The following ZFHX3 variants were observed in gnomAD, a reference collection of about 807,000 sequenced individuals.
The protein encoded by ZFHX3 is zinc finger homeobox protein 3.
In ZFHX3, 42 loss-of-function variants were observed where a neutral mutation model predicts 279.1. The observed-to-expected ratio is 0.15, with a 90% CI of 0.12 to 0.19. The LOEUF is 0.19. ZFHX3 is among the 10% of genes least tolerant of loss of function. The pLI, the probability that ZFHX3 is intolerant of heterozygous loss-of-function variation, is 1.00. For missense variants in ZFHX3, 4,981 were observed against 4,754.0 expected, an observed-to-expected ratio of 1.05 and a Z score of -1.40; for synonymous variants, 2,293 against 1,957.8, an observed-to-expected ratio of 1.17 and a Z score of -4.52.
chr16:73,376,582 C>T (rs547532660), intron 3 of ZFHX3, among the ~76,000 whole-genome samples: 13 of 152,274 alleles, frequency 8.5e-5, no homozygotes, highest in African/African-American at 2.6e-4. Flanking sequence ...GCAGCCATGT[C>T]GTGCTTTTTG....
chr16:73,423,787 G>C (rs1339731902), intron 3 of ZFHX3, among the ~76,000 whole-genome samples: 1 of 151,592 alleles, frequency 6.6e-6, no homozygotes, highest in East Asian at 1.9e-4. Flanking sequence ...GCTTGAACCT[G>C]GGAGGTGGAG....
intron 1 of ZFHX3, among the ~76,000 whole-genome samples, chr16:72,986,506 G>A (rs2144556483): frequency 6.6e-6 from 1 of 152,304 alleles, no homozygotes; most frequent in African/African-American, 2.4e-5. Flanking sequence ...GACTTGGGCT[G>A]CTGAACTGGG....
intron 1 of ZFHX3, among the ~76,000 whole-genome samples, chr16:73,882,906 G>C (rs1469340184): frequency 6.6e-6 from 1 of 152,058 alleles, no homozygotes; most frequent in Admixed American, 6.6e-5. Flanking sequence ...GAAGCTTGTG[G>C]GTCATTTGTT....
intron 1 of ZFHX3, among the ~76,000 whole-genome samples, chr16:73,808,096 C>A (rs1337983567): frequency 1.3e-5 from 2 of 152,122 alleles, no homozygotes; most frequent in African/African-American, 4.8e-5. Flanking sequence ...AAGGGTGGGG[C>A]ATGGGCAGGA....
At chr16:73,497,341 C>T (rs1236875768) in intron 2 of ZFHX3, among the ~76,000 whole-genome samples, 1 of 152,222 alleles carries the variant, frequency 6.6e-6, no homozygotes, top group African/African-American at 2.4e-5. Flanking sequence ...TTTTCTCTTC[C>T]TCTTGGAGAA....
intron 1 of ZFHX3, among the ~76,000 whole-genome samples, chr16:73,754,775 T>A (rs960500274): frequency 1.3e-5 from 2 of 152,042 alleles, no homozygotes; most frequent in Non-Finnish European, 2.9e-5. Context: ...AAAGGAGAGA[T>A]TAATGACAGA....
chr16:73,058,166 C>T (rs1965605045), intron 1 of ZFHX3, among the ~76,000 whole-genome samples: 1 of 145,044 alleles, frequency 6.9e-6, no homozygotes, highest in Non-Finnish European at 1.5e-5. Context: ...GCCCCGGGCG[C>T]CTCCACCCTC....
chr16:72,793,283 G>C lies in ZFHX3; in HGVS notation c.9399C>G (p.Ser3133=). 6.2e-7 allele frequency: 1 copy of C among 1,613,844 alleles called. No homozygotes were observed. Among genetic ancestry groups the C allele is most frequent in the Non-Finnish European group, 8.5e-7 (1 of 1,179,820 alleles). Residue 3133 remains serine, a synonymous_variant, in exon 9 of 10, where the codon TCC becomes TCG. Coordinates refer to ENST00000268489, the MANE Select transcript of ZFHX3 (RefSeq NM_006885.4). The surrounding 1 kb of genome is among the most constrained non-coding windows in gnomAD (Gnocchi z 4.3). ...TGTTGGATGGAGTAAAGCCTGGCAA[G>C]GAGGGGCTGTTGAGGCCCGGGAGCA... ...PVLLPGLNSP[S]LPGFTPSNTA... is the part of the protein sequence containing the mutation.
chr16:73,576,500 T>C (rs928608038), intron 2 of ZFHX3, among the ~76,000 whole-genome samples: 42 of 152,262 alleles, frequency 2.8e-4, no homozygotes, highest in African/African-American at 9.1e-4. Context: ...TGTGGACAGA[T>C]AATTATTACA....
chr16:73,560,364 C>T (rs1267839705), intron 2 of ZFHX3, among the ~76,000 whole-genome samples: 1 of 152,162 alleles, frequency 6.6e-6, no homozygotes, highest in African/African-American at 2.4e-5. Context: ...GACTGGCTAC[C>T]GGCTCCCTTC....
At chr16:73,306,358 C>T (rs998837445) in intron 4 of ZFHX3, among the ~76,000 whole-genome samples, 3 of 152,178 alleles carry the variant, frequency 2.0e-5, no homozygotes, top group Admixed American at 6.5e-5. Context: ...CTTGCTGTGT[C>T]GCCTAGGCTG....
At chr16:73,690,883 A>G (rs1259546077) in intron 1 of ZFHX3, among the ~76,000 whole-genome samples, 1 of 152,180 alleles carries the variant, frequency 6.6e-6, no homozygotes, top group Non-Finnish European at 1.5e-5. Context: ...CACTGCCCAG[A>G]CAATTCCAGC....
intron 2 of ZFHX3, among the ~76,000 whole-genome samples, chr16:73,512,965 G>A (rs2019458730): frequency 6.6e-6 from 1 of 152,178 alleles, no homozygotes; most frequent in Non-Finnish European, 1.5e-5. Context: ...TGTAGATCAG[G>A]GTGGACAAAT....
At chr16:73,388,255 A>G (rs2016940904) in intron 3 of ZFHX3, among the ~76,000 whole-genome samples, 1 of 152,112 alleles carries the variant, frequency 6.6e-6, no homozygotes, top group South Asian at 2.1e-4. Flanking sequence ...TGTGTGGAGT[A>G]TTCCTAGGGT....
chr16:72,901,302 C>T (rs6499596), intron 3 of ZFHX3, among the ~76,000 whole-genome samples: 138,327 of 152,244 alleles, frequency 0.91, 63,183 homozygotes, highest in Non-Finnish European at 0.95. Context: ...CTCTTTAAAA[C>T]TCCTCCCATG....
At chr16:73,596,077 G>A (rs1567528753) in intron 2 of ZFHX3, among the ~76,000 whole-genome samples, 1 of 151,728 alleles carries the variant, frequency 6.6e-6, no homozygotes, top group Non-Finnish European at 1.5e-5. Context: ...CTGGAGTGCA[G>A]TGGTGCAATC....
chr16:72,874,492 G>A (rs540358923), intron 4 of ZFHX3, among the ~76,000 whole-genome samples: 15 of 150,542 alleles, frequency 1.0e-4, no homozygotes, highest in South Asian at 8.5e-4. Flanking sequence ...GTGAGCCACC[G>A]CGCCTGGCCT....
chr16:73,853,912 G>T (rs887622740), intron 1 of ZFHX3, among the ~76,000 whole-genome samples: 2 of 152,150 alleles, frequency 1.3e-5, no homozygotes, highest in African/African-American at 2.4e-5. Context: ...AGTGACAATA[G>T]GTTCTCCTAT....
intron 2 of ZFHX3, among the ~76,000 whole-genome samples, chr16:73,480,193 T>C (rs77152114): frequency 0.012 from 1,750 of 152,160 alleles, 45 homozygotes; most frequent in African/African-American, 0.04. Flanking sequence ...GCATTTGAAA[T>C]GTTTTTAAGG....
Sources: gnomAD v4.1 joint callset for allele counts (sites outside exome capture counted in the v4.1 genomes callset) on GRCh38, gnomAD v4.1.1 for gene constraint, Gnocchi (gnomAD v3.1) non-coding constraint, MANE v1.5 for transcripts, NCBI Gene and HGNC (gene_info 2026-07-23, HGNC 2026-07-21) for gene names.